FAT3: variants seen among roughly 807,000 people sequenced by gnomAD.
FAT3 encodes FAT atypical cadherin 3, also known as protocadherin Fat 3.
In FAT3, 95 loss-of-function variants were observed where a neutral mutation model predicts 310.2. The ratio of observed to expected loss-of-function variants is 0.31; its 90% confidence interval spans 0.26 to 0.36. The LOEUF is 0.36. FAT3 is among the 10% of genes least tolerant of loss of function. The pLI, the probability that FAT3 is intolerant of heterozygous loss-of-function variation, is 1.00. For missense variants in FAT3, 5,408 were observed against 5,715.6 expected (o/e 0.95, Z 1.74); for synonymous variants, 2,314 against 2,192.9 (o/e 1.06, Z -1.54).
chr11:92,512,504 A>G (rs1418269422), intron 2 of FAT3, among the ~76,000 whole-genome samples: 3 of 145,750 alleles, frequency 2.1e-5, no homozygotes, highest in African/African-American at 5.1e-5. Context: ...TTATATCTCA[A>G]AAAAAAATAT....
chr11:92,340,462 C>T (rs905303886), intron 1 of FAT3, among the ~76,000 whole-genome samples: 1 of 152,196 alleles, frequency 6.6e-6, no homozygotes, highest in South Asian at 2.1e-4. Context: ...TGTATTTGAG[C>T]TCACTGAGTT....
chr11:92,724,389 G>A (rs547582840), intron 4 of FAT3, among the ~76,000 whole-genome samples: 1 of 152,230 alleles, frequency 6.6e-6, no homozygotes, highest in Admixed American at 6.5e-5. Context: ...GTATTTTACT[G>A]GTCAAAGCAA....
chr11:92,425,267 C>T (rs1255314093), intron 2 of FAT3, among the ~76,000 whole-genome samples: 3 of 151,926 alleles, frequency 2.0e-5, no homozygotes, highest in African/African-American at 7.3e-5. Flanking sequence ...TTTCAATGGG[C>T]CCTACATGCT....
chr11:92,260,177 C>A (rs553027271), intron 1 of FAT3, among the ~76,000 whole-genome samples: 1 of 152,046 alleles, frequency 6.6e-6, no homozygotes, highest in Non-Finnish European at 1.5e-5. Context: ...CCTTTCTGTT[C>A]GTCAGTTTTG....
intron 2 of FAT3, among the ~76,000 whole-genome samples, chr11:92,378,886 A>T (rs1949419925): frequency 6.6e-6 from 1 of 152,098 alleles, no homozygotes; most frequent in South Asian, 2.1e-4. Flanking sequence ...CATTTTTCTC[A>T]GGTTGCTTTT....
chr11:92,773,933 G>A, intron 6 of FAT3, 108 bp from the exon 7 acceptor site: 3 of 1,176,208 alleles, frequency 2.6e-6, no homozygotes, highest in Admixed American at 4.9e-5. Context: ...CCATAGGGAT[G>A]CCTGTCAAAA....
chr11:92,375,470 G>C (rs964689295), intron 2 of FAT3, among the ~76,000 whole-genome samples: 2 of 152,122 alleles, frequency 1.3e-5, no homozygotes, highest in Non-Finnish European at 2.9e-5. Flanking sequence ...AAGTGTTTAA[G>C]GATTCTTTGG....
In FAT3 at chr11:92,896,268, A is replaced by G. The variant is rs1018447038; in HGVS notation, c.*5155A>G. The stretch of plus-strand genomic sequence containing the variant: ...AAGGAAATGGATTGTTCCTGCATAT[A>G]TTGCTGGTGGCAGTATTCAGTCTTG... On this transcript the variant is annotated 3_prime_UTR_variant, in exon 28 of 28. Coordinates refer to ENST00000525166, the MANE Select transcript of FAT3 (RefSeq NM_001367949.2). 2.0e-5 allele frequency: 3 copies of G among 151,002 alleles called. No homozygotes were observed. The highest frequency in any genetic ancestry group is 4.4e-5 in the Non-Finnish European group (3 of 67,758). 9.4% of individuals were successfully genotyped at this position (151,002 alleles called of 1,614,324 possible). A position where few individuals can be genotyped will look rare whatever the true frequency, so the allele number is the denominator to read the frequency against.
intron 4 of FAT3, among the ~76,000 whole-genome samples, chr11:92,709,752 G>A (rs1463550133): frequency 6.6e-6 from 1 of 152,194 alleles, no homozygotes; most frequent in Non-Finnish European, 1.5e-5. Flanking sequence ...GGAAGTTTGA[G>A]GAGCCCTTGG....
intron 19 of FAT3, among the ~76,000 whole-genome samples, chr11:92,856,631 A>G (rs1176379210): frequency 6.6e-6 from 1 of 152,200 alleles, no homozygotes; most frequent in Non-Finnish European, 1.5e-5. Context: ...GATAGCTGGT[A>G]GGGCACATTT....
At chr11:92,337,138 T>G (rs1404787236) in intron 1 of FAT3, among the ~76,000 whole-genome samples, 1 of 152,138 alleles carries the variant, frequency 6.6e-6, no homozygotes, top group African/African-American at 2.4e-5. Flanking sequence ...ATGTGTAAGA[T>G]CTTGCAACCT....
At chr11:92,878,929 A>G (rs1949605372) in intron 22 of FAT3, among the ~76,000 whole-genome samples, 1 of 152,126 alleles carries the variant, frequency 6.6e-6, no homozygotes, top group Non-Finnish European at 1.5e-5. Context: ...AAACACAAAA[A>G]TTTCCAGATT....
chr11:92,855,083 G>A (rs1009528611), intron 19 of FAT3, among the ~76,000 whole-genome samples: 1 of 152,214 alleles, frequency 6.6e-6, no homozygotes, highest in African/African-American at 2.4e-5. Flanking sequence ...TTAGCATTGG[G>A]CTCAATTTGC....
At chr11:92,347,301 C>A (rs1265241867) in intron 1 of FAT3, among the ~76,000 whole-genome samples, 2 of 152,304 alleles carry the variant, frequency 1.3e-5, no homozygotes, top group South Asian at 2.1e-4. Flanking sequence ...TCAAGGACTC[C>A]TGTCAAGGGG....
chr11:92,467,010 C>T (rs534582057), intron 2 of FAT3, among the ~76,000 whole-genome samples: 114 of 152,072 alleles, frequency 7.5e-4, no homozygotes, highest in South Asian at 4.2e-3. Flanking sequence ...GGTTCCAAGT[C>T]TTTGCTATTG....
At chr11:92,740,188 C>T (rs1259706309) in intron 4 of FAT3, among the ~76,000 whole-genome samples, 1 of 152,196 alleles carries the variant, frequency 6.6e-6, no homozygotes, top group Non-Finnish European at 1.5e-5. Flanking sequence ...TACTTTCACT[C>T]AGCAAAACAA....
intron 19 of FAT3, among the ~76,000 whole-genome samples, chr11:92,852,554 C>T (rs1948859530): frequency 6.6e-6 from 1 of 152,052 alleles, no homozygotes; most frequent in South Asian, 2.1e-4. Context: ...CAAAAACTAT[C>T]CTTGCCAAAA....
chr11:92,844,644 C>A lies in FAT3; in HGVS notation c.11277C>A (p.Leu3759=), dbSNP rs187906439. Residue 3759 remains leucine, a synonymous_variant, in exon 19 of 28, where the codon CTC becomes CTA. Transcript: ENST00000525166. ...AGCATTGTGAGCAAGGCTTGTCACT[C>A]GATTCCCACGCGCTCATGACCTACA... ...QEQHCEQGLS[L]DSHALMTYST... 1.9e-6 allele frequency: 3 copies of A among 1,610,486 alleles called. No homozygotes were observed. The African/African-American group carries it at 4.0e-5, about 22-fold the overall frequency.
chr11:92,518,652 A>C (rs547630752), intron 2 of FAT3, among the ~76,000 whole-genome samples: 2 of 152,188 alleles, frequency 1.3e-5, no homozygotes, highest in East Asian at 3.9e-4. Context: ...CCAGAACTTA[A>C]AGTATAACAA....
Sources: gnomAD v4.1 joint callset for allele counts (sites outside exome capture counted in the v4.1 genomes callset) on GRCh38, gnomAD v4.1.1 for gene constraint, MANE v1.5 for transcripts, NCBI Gene and HGNC (gene_info 2026-07-23, HGNC 2026-07-21) for gene names.